RASSF5: variants seen among roughly 807,000 people sequenced by gnomAD.
RASSF5 encodes ras association domain-containing protein 5.
Under a neutral mutation model 40.5 loss-of-function variants are expected in RASSF5, and 25 were observed. The ratio of observed to expected loss-of-function variants is 0.62; its 90% CI spans 0.45 to 0.86. The LOEUF (loss-of-function observed/expected upper bound fraction) is 0.86. Ranked by LOEUF, RASSF5 falls within the 40% of genes least tolerant of loss-of-function variation. RASSF5 has a pLI of 0.00. For synonymous variants in RASSF5, 246 were observed against 252.4 expected (o/e 0.97, Z 0.24); for missense variants, 521 against 572.8 (o/e 0.91, Z 0.92).
intron 1 of RASSF5, among the ~76,000 whole-genome samples, chr1:206,517,487 A>G (rs533704635): frequency 6.6e-5 from 10 of 152,260 alleles, no homozygotes; most frequent in Admixed American, 5.2e-4. Context: ...AAAAGAAAAA[A>G]GAACAAGTGT....
At chr1:206,510,997 ACT>A (rs1256816167) in intron 1 of RASSF5, among the ~76,000 whole-genome samples, 1 of 151,940 alleles carries the variant, frequency 6.6e-6, no homozygotes, top group African/African-American at 2.4e-5. Flanking sequence ...TTTGGAAAAC[ACT>A]CTTCCCACTG....
intron 3 of RASSF5, chr1:206,583,757 G>A (rs1317565359): frequency 4.2e-6 from 1 of 239,846 alleles, no homozygotes; most frequent in African/African-American, 2.3e-5. Context: ...TTGTGAGAGA[G>A]GGACATACTC....
chr1:206,540,645 C>T (rs1667522802), intron 2 of RASSF5, among the ~76,000 whole-genome samples: 1 of 152,240 alleles, frequency 6.6e-6, no homozygotes, highest in Non-Finnish European at 1.5e-5. Flanking sequence ...CTGGGCCCTG[C>T]TCCAGGCCCA....
intron 1 of RASSF5, among the ~76,000 whole-genome samples, chr1:206,533,792 C>T (rs1017515266): frequency 6.6e-6 from 1 of 152,184 alleles, no homozygotes; most frequent in Middle Eastern, 3.4e-3. Flanking sequence ...CCCAGTAGTT[C>T]AGAATGCAAC....
chr1:206,545,535 G>T (rs575269477), intron 2 of RASSF5, among the ~76,000 whole-genome samples: 17 of 151,810 alleles, frequency 1.1e-4, no homozygotes, highest in Non-Finnish European at 1.9e-4. Flanking sequence ...TAGAGATGGG[G>T]TCTTGCTCTG....
intron 2 of RASSF5, among the ~76,000 whole-genome samples, chr1:206,580,154 G>C (rs11119083): frequency 0.45 from 68,771 of 152,016 alleles, 16,066 homozygotes; most frequent in Middle Eastern, 0.65. Flanking sequence ...GGGAAGGGGA[G>C]AGATAGATGG....
chr1:206,518,076 A>G (rs1303570281), intron 1 of RASSF5, among the ~76,000 whole-genome samples: 1 of 152,222 alleles, frequency 6.6e-6, no homozygotes, highest in East Asian at 1.9e-4. Flanking sequence ...ATTGATTTTC[A>G]GACTCACAGG....
chr1:206,509,811 G>T (rs555466360), intron 1 of RASSF5, among the ~76,000 whole-genome samples: 1 of 151,428 alleles, frequency 6.6e-6, no homozygotes, highest in Non-Finnish European at 1.5e-5. Flanking sequence ...TAAATGAATT[G>T]ATCCTTACGT....
chr1:206,584,513 A>G lies in RASSF5; in HGVS notation c.817A>G (p.Thr273Ala). ...DAIKEVNLAATTDKRTSFYLP... is the reference protein window; with the variant it reads ...DAIKEVNLAAATDKRTSFYLP... ...CATCAAGGAGGTGAACCTGGCGGCT[A>G]CCACGGACAAGCGGACATCCTTCTA... The change falls in exon 4 of 6, where the codon ACC becomes GCC. Residue 273 changes from threonine to alanine, a missense_variant. Physicochemically the swap from Thr to Ala is moderately conservative, Grantham distance 58. Around this residue, in one of 2 missense-constraint regions of RASSF5, gnomAD observed 284 missense variants for 360.8 expected, o/e 0.79. Coordinates refer to ENST00000579436, the MANE Select transcript of RASSF5 (RefSeq NM_182663.4). The surrounding 1 kb of genome is among the most constrained non-coding windows in gnomAD (Gnocchi z 4.9). 1 of 1,614,150 alleles carries G rather than the reference A, an allele frequency of 6.2e-7. No homozygotes were observed. The highest frequency in any genetic ancestry group is 8.5e-7 in the Non-Finnish European group (1 of 1,180,002).
At chr1:206,534,777 C>T (rs1444223799) in intron 1 of RASSF5, among the ~76,000 whole-genome samples, 2 of 152,198 alleles carry the variant, frequency 1.3e-5, no homozygotes, top group Non-Finnish European at 2.9e-5. Context: ...TCATCCTCAC[C>T]CTCGGGCTAG....
At chr1:206,515,071 A>T (rs1285695433) in intron 1 of RASSF5, among the ~76,000 whole-genome samples, 1 of 152,248 alleles carries the variant, frequency 6.6e-6, no homozygotes, top group African/African-American at 2.4e-5. Flanking sequence ...AGCCAGCACC[A>T]GAACCCAGCA....
At chr1:206,575,791 T>C (rs1196506847) in intron 2 of RASSF5, among the ~76,000 whole-genome samples, 1 of 152,216 alleles carries the variant, frequency 6.6e-6, no homozygotes, top group Non-Finnish European at 1.5e-5. Context: ...TCCCCAGACG[T>C]CACAGGTCAT....
chr1:206,514,849 G>A (rs1052200472), intron 1 of RASSF5, among the ~76,000 whole-genome samples: 16 of 152,266 alleles, frequency 1.1e-4, no homozygotes, highest in Admixed American at 6.5e-5. Flanking sequence ...AATAGGAAGA[G>A]TTGAGAATGG....
At chr1:206,586,664 C>T (rs1553407695) in intron 5 of RASSF5, 162 bp from the exon 6 acceptor site, 9 of 639,466 alleles carry the variant, frequency 1.4e-5, no homozygotes, top group Non-Finnish European at 2.5e-5. Context: ...GACAGGCATG[C>T]AAAGCCCAGG....
At chr1:206,573,946 C>T (rs1237408567) in intron 2 of RASSF5, among the ~76,000 whole-genome samples, 5 of 152,376 alleles carry the variant, frequency 3.3e-5, no homozygotes, top group Admixed American at 3.3e-4. Flanking sequence ...GCCCAGCGTG[C>T]AAGGCAGCAT....
At chr1:206,529,407 G>A (rs1410276348) in intron 1 of RASSF5, 38 of 776,042 alleles carry the variant, frequency 4.9e-5, no homozygotes, top group East Asian at 3.0e-4. Context: ...TGAGCTGGTC[G>A]TCTTCTTGCC....
rs113778251 is a variant in RASSF5 at position 206,537,024 on chromosome 1, C to T, written c.458-1148C>T. 5.1e-3 allele frequency among the ~76,000 whole-genome samples: 781 copies of T among 152,300 alleles called. 3 individuals carry two copies. Among genetic ancestry groups the T allele is most frequent in the African/African-American group, 0.018 (748 of 41,570 alleles). On this transcript the variant is annotated intron_variant, in intron 1 of 5. Coordinates refer to ENST00000579436, the MANE Select transcript of RASSF5 (RefSeq NM_182663.4). ...CCACCTTGTCTTCACTACCCCCCAC[C>T]CCCGCTCCCCTGCCCTTCCCTCGCC... is the stretch of plus-strand genomic sequence containing the variant.
At chr1:206,557,250 G>A in intron 2 of RASSF5, 1 of 1,121,942 alleles carries the variant, frequency 8.9e-7, no homozygotes. Flanking sequence ...GAGGGAGGGC[G>A]CTGGCGCCGG....
At chr1:206,539,322 C>T (rs972189371) in intron 2 of RASSF5, among the ~76,000 whole-genome samples, 6 of 152,140 alleles carry the variant, frequency 3.9e-5, no homozygotes, top group South Asian at 2.1e-4. Flanking sequence ...GTGTCTCTGA[C>T]GGAAAATCTC....
Sources: allele counts gnomAD v4.1 joint callset (sites outside exome capture counted in the v4.1 genomes callset), GRCh38; gene constraint gnomAD v4.1.1; regional missense constraint gnomAD v4.1.1; non-coding constraint Gnocchi (gnomAD v3.1); transcripts MANE v1.5; gene names NCBI Gene and HGNC (gene_info 2026-07-23, HGNC 2026-07-21).